Variants in RNF213 observed in about 807,000 individuals in gnomAD.
The protein encoded by RNF213 is ring finger protein 213.
A neutral mutation model predicts 514.4 loss-of-function variants in RNF213; 341 were observed. The observed-to-expected ratio is 0.66, with a 90% confidence interval of 0.61 to 0.73. RNF213 has a LOEUF of 0.73. Ranked by LOEUF, RNF213 falls within the 30% of genes least tolerant of loss-of-function variation. The probability of loss-of-function intolerance (pLI) is 0.00; values close to 1 mark genes in which losing one functional copy is unlikely to be tolerated. For missense variants in RNF213, 5,767 were observed against 6,615.6 expected, an observed-to-expected ratio of 0.87 and a Z score of 4.45; for synonymous variants, 2,655 against 2,658.2, an observed-to-expected ratio of 1.00 and a Z score of 0.04.
At chr17:80,302,703 C>CA (rs976473068) in intron 11 of RNF213, among the ~76,000 whole-genome samples, 6 of 151,802 alleles carry the variant, frequency 4.0e-5, no homozygotes, top group South Asian at 2.1e-4. Flanking sequence ...AAAAAACAAA[C>CA]AAAAAAAATA....
chr17:80,320,963 G>A (rs2046120081), intron 17 of RNF213: 2 of 152,228 alleles, frequency 1.3e-5, no homozygotes, highest in Middle Eastern at 3.2e-3. Flanking sequence ...CTTCAACCTG[G>A]GGGACAGAGC....
At position 80,373,036 on chromosome 17, in the gene RNF213, G is replaced by T. The variant is rs771331439; in HGVS notation, c.12813G>T (p.Glu4271Asp). Residue 4271 changes from glutamate (E) to aspartate (D), a missense_variant, in exon 49 of 68, where the codon GAG (glutamate) becomes GAT (aspartate). Physicochemically the swap from Glu to Asp is conservative, Grantham distance 45 (BLOSUM62 2). Around this residue, in one of 13 missense-constraint regions of RNF213, gnomAD observed 1,245 missense variants for 1,339.0 expected, o/e 0.93. Transcript: ENST00000582970. ...TCAAGCAGTTCTGTATCCGGGTGGA[G>T]AACGACTGGCACCGGGTGTACCTGG... ...QQVKQFCIRV[E>D]NDWHRVYLVR... 1.2e-6 allele frequency: 2 copies of T among 1,613,952 alleles called. No individual in the cohort carries two copies. The highest frequency in any genetic ancestry group is 1.7e-6 in the Non-Finnish European group (2 of 1,180,014).
intron 36 of RNF213, chr17:80,354,916 T>G (rs2078676007): frequency 5.2e-6 from 2 of 381,880 alleles, no homozygotes; most frequent in Non-Finnish European, 5.0e-6. Context: ...GAAGTTAAAA[T>G]GACGTGCAGA....
intron 36 of RNF213, among the ~76,000 whole-genome samples, chr17:80,355,646 C>CGACGAAGAAGT (rs2078762590): frequency 5.5e-5 from 1 of 18,090 alleles, no homozygotes; most frequent in African/African-American, 2.6e-4. Flanking sequence ...GGGGAAGAAG[C>CGACGAAGAAGT]GGGGTGGACG....
Position 80,393,608 on chromosome 17 carries a change from T to A in RNF213, c.*110T>A. The A allele has an allele frequency of 8.0e-7, 1 of 1,247,886 alleles. No individual in the cohort carries two copies. The highest frequency in any genetic ancestry group is 1.1e-6 in the Non-Finnish European group (1 of 873,926). The allele number at this position is 1,247,886 out of a possible 1,614,324, so 77.3% of individuals were successfully genotyped here. ...GTGCCTTTGCATTCAGAAGGAGAGC[T>A]GTCAGCGTAGCACCGAATTCAAGAC... On this transcript the variant is annotated 3_prime_UTR_variant, in exon 68 of 68. Transcript: ENST00000582970.
At chr17:80,301,616 T>G (rs2045182106) in intron 11 of RNF213, among the ~76,000 whole-genome samples, 1 of 152,164 alleles carries the variant, frequency 6.6e-6, no homozygotes, top group East Asian at 1.9e-4. Flanking sequence ...CAAGTTAGAA[T>G]AGCTGTGATC....
At position 80,309,308 on chromosome 17, in the gene RNF213, T is replaced by C. The variant is rs1380107030; in HGVS notation, c.2655+137T>C. ...CGGTGGTTTCAGCAGTGGACATTTC[T>C]TGTGCACCTGCTTGATGCTGGGTTC... On this transcript the variant is annotated intron_variant, in intron 14 of 67. Coordinates refer to ENST00000582970, the MANE Select transcript of RNF213 (RefSeq NM_001256071.3). 7.7e-6 allele frequency: 8 copies of C among 1,037,566 alleles called. No individual in the cohort carries two copies. In the African/African-American group the frequency reaches 1.3e-4, roughly 16 times the overall value. 64.3% of individuals were successfully genotyped at this position (1,037,566 alleles called of 1,614,324 possible). A position where few individuals can be genotyped will look rare whatever the true frequency, so the allele number is the denominator to read the frequency against.
chr17:80,263,371 C>T lies in RNF213; in HGVS notation c.-108-203C>T, dbSNP rs1270583588. ...TGCCCCACGCCTGCCTGGAGCATCCCCTATCCCCACCCAGCCCAACCCATG... is the reference window on the plus strand; with the variant it reads ...TGCCCCACGCCTGCCTGGAGCATCCTCTATCCCCACCCAGCCCAACCCATG... On this transcript the variant is annotated intron_variant, in intron 1 of 67. Transcript: ENST00000582970. This position sits in a 1 kb window ranked among gnomAD's most constrained non-coding sequence, Gnocchi z 4.9. Among the ~76,000 whole-genome samples, 2 of 152,160 alleles carry T rather than the reference C, an allele frequency of 1.3e-5. No homozygotes were observed. The highest frequency in any genetic ancestry group is 6.5e-5 in the Admixed American group (1 of 15,278).
At position 80,377,143 on chromosome 17, in the gene RNF213, C is replaced by T. The variant is rs1261071122; in HGVS notation, c.13510+180C>T. The T allele has an allele frequency of 2.7e-5, 17 of 633,804 alleles. No individual in the cohort carries two copies. Among genetic ancestry groups the T allele is most frequent in the East Asian group, 5.6e-5 (2 of 35,946 alleles). The allele number at this position is 633,804 out of a possible 1,614,324, so 39.3% of individuals were successfully genotyped here. ...TGGCTTGAAGGAGCTGGCACTCCGC[C>T]GGCTAGATGATCCAAACCATTTCAT... On this transcript the variant is annotated intron_variant, in intron 53 of 67. Transcript: ENST00000582970. The surrounding 1 kb of genome is among the most constrained non-coding windows in gnomAD (Gnocchi z 4.1).
At chr17:80,352,810 G>A in intron 32 of RNF213, 130 bp from the exon 33 acceptor site, 1 of 1,435,064 alleles carries the variant, frequency 7.0e-7, no homozygotes, top group East Asian at 2.3e-5. Context: ...CAGGGTTTCG[G>A]CTTCAGGGTG....
intron 38 of RNF213, among the ~76,000 whole-genome samples, chr17:80,360,644 G>A (rs2079021149): frequency 6.6e-6 from 1 of 152,108 alleles, no homozygotes; most frequent in Admixed American, 6.5e-5. Context: ...CTACTCCCAG[G>A]TGCCCCATCA....
rs111908723 is a variant in RNF213 at position 80,386,552 on chromosome 17, C to A, written c.14720+122C>A. On this transcript the variant is annotated intron_variant, in intron 62 of 67. Transcript: ENST00000582970. The stretch of plus-strand genomic sequence containing the variant: ...AGACACTCACTCCTTCAGCCGCCCC[C>A]ACCAGTGACCCGCCCCATACTTGGG... The A allele has an allele frequency of 3.2e-3, 4,447 of 1,393,386 alleles. 115 individuals are homozygous for A. The African/African-American group carries it at 0.055, about 17-fold the overall frequency. The allele number at this position is 1,393,386 out of a possible 1,614,324, so 86.3% of individuals were successfully genotyped here. A position where few individuals can be genotyped will look rare whatever the true frequency, so the allele number is the denominator to read the frequency against.
chr17:80,318,285 T>C (rs1010923701), intron 16 of RNF213, among the ~76,000 whole-genome samples: 4 of 152,190 alleles, frequency 2.6e-5, no homozygotes, highest in African/African-American at 9.6e-5. Flanking sequence ...CACACGGGGA[T>C]AGAGGTTCTC....
At chr17:80,261,724 A>T (rs1011079666) in intron 1 of RNF213, among the ~76,000 whole-genome samples, 1 of 152,244 alleles carries the variant, frequency 6.6e-6, no homozygotes, top group Non-Finnish European at 1.5e-5. Context: ...TGGAACAATA[A>T]GATGCTTTAG....
intron 14 of RNF213, among the ~76,000 whole-genome samples, chr17:80,310,638 C>T (rs928919148): frequency 6.6e-6 from 1 of 151,984 alleles, no homozygotes; most frequent in Non-Finnish European, 1.5e-5. Context: ...CCACAACCTC[C>T]GCCTCCTGGG....
intron 44 of RNF213, among the ~76,000 whole-genome samples, chr17:80,369,272 C>T (rs2079410286): frequency 6.6e-6 from 1 of 152,090 alleles, no homozygotes; most frequent in Admixed American, 6.5e-5. Context: ...ATGGTGCGTG[C>T]CTGTAATCCC....
Position 80,354,502 on chromosome 17 carries a change from C to A in RNF213, c.10788C>A (p.Ser3596Arg). 1 of 1,614,174 alleles carries A rather than the reference C, an allele frequency of 6.2e-7. No homozygotes were observed. Among genetic ancestry groups the A allele is most frequent in the Non-Finnish European group, 8.5e-7 (1 of 1,180,022 alleles). ...TCTTTTTAAAGAAGCAAGAAGAGAG[C>A]CAGTTTCACCCTCTGGAGTGGTTGG... Reference protein sequence around the residue: ...LSVFLKKQEESQFHPLEWLAR... With the variant: ...LSVFLKKQEERQFHPLEWLAR... The change falls in exon 36 of 68, where the codon AGC becomes AGA. Residue 3596 changes from serine to arginine, a missense_variant. Ser to Arg is a moderately radical substitution (Grantham distance 110, BLOSUM62 -1). This residue lies in a region of RNF213 where 919 missense variants were observed against 1,121.0 expected (regional missense o/e 0.82). Transcript: ENST00000582970.
At chr17:80,286,525 C>G (rs1321550335) in intron 3 of RNF213, among the ~76,000 whole-genome samples, 1 of 152,042 alleles carries the variant, frequency 6.6e-6, no homozygotes, top group Non-Finnish European at 1.5e-5. Flanking sequence ...TTGGGCCACA[C>G]AGGGGCCGAC....
rs956476303 is a variant in RNF213 at position 80,395,049 on chromosome 17, A to G, written c.*1551A>G. ...GCTCACACCCAGACTCACTGGCCAC[A>G]CCTCAGCAGGGGGGGAGTCGAGTGT... On this transcript the variant is annotated 3_prime_UTR_variant, in exon 68 of 68. Transcript: ENST00000582970. The G allele has an allele frequency of 2.6e-5, 4 of 151,778 alleles. No individual in the cohort carries two copies. Among genetic ancestry groups the G allele is most frequent in the Non-Finnish European group, 5.9e-5 (4 of 67,970 alleles). 9.4% of individuals were successfully genotyped at this position (151,778 alleles called of 1,614,324 possible).
Sources: allele counts gnomAD v4.1 joint callset (sites outside exome capture counted in the v4.1 genomes callset), GRCh38; gene constraint gnomAD v4.1.1; regional missense constraint gnomAD v4.1.1; non-coding constraint Gnocchi (gnomAD v3.1); transcripts MANE v1.5; gene names NCBI Gene and HGNC (gene_info 2026-07-23, HGNC 2026-07-21).